Variants in PTBP3 observed in about 807,000 individuals in gnomAD.
PTBP3 encodes polypyrimidine tract binding protein 3.
PTBP3 carries 20 observed loss-of-function variants against 58.7 expected under a neutral mutation model. The observed-to-expected ratio is 0.34, with a 90% CI of 0.24 to 0.50. The LOEUF (loss-of-function observed/expected upper bound fraction) is 0.50. PTBP3 is among the 20% of genes least tolerant of loss of function. The pLI, the probability that PTBP3 is intolerant of heterozygous loss-of-function variation, is 0.98. For synonymous variants in PTBP3, 185 were observed against 219.8 expected (o/e 0.84, Z 1.40); for missense variants, 509 against 637.2 (o/e 0.80, Z 2.17).
chr9:112,286,208 T>G (rs1042082208), intron 2 of PTBP3, among the ~76,000 whole-genome samples: 3 of 152,208 alleles, frequency 2.0e-5, no homozygotes, highest in Non-Finnish European at 4.4e-5. Context: ...ATATTTAAAA[T>G]GGGTTTCTTA....
At chr9:112,302,196 GA>G (rs1026520884) in intron 1 of PTBP3, among the ~76,000 whole-genome samples, 5 of 151,446 alleles carry the variant, frequency 3.3e-5, no homozygotes, top group South Asian at 4.2e-4. Context: ...TTTGTAAAAT[GA>G]AAAAAAACAT....
At chr9:112,325,881 G>A (rs1000584038) in intron 1 of PTBP3, among the ~76,000 whole-genome samples, 17 of 152,102 alleles carry the variant, frequency 1.1e-4, no homozygotes, top group African/African-American at 1.9e-4. Flanking sequence ...AGCCCGGAGC[G>A]GTGGAGCGCA....
At chr9:112,349,445 C>A in the PTBP3 span, among the ~76,000 whole-genome samples, 2 of 152,132 alleles carry the variant, frequency 1.3e-5, no homozygotes, top group Non-Finnish European at 2.9e-5. Context: ...ATCACAGGAA[C>A]CCCCCAATTA....
chr9:112,312,063 T>C (rs948884954), intron 1 of PTBP3, among the ~76,000 whole-genome samples: 3 of 152,204 alleles, frequency 2.0e-5, no homozygotes, highest in African/African-American at 4.8e-5. Flanking sequence ...CAGTAATGAA[T>C]GGGAAATTCT....
At chr9:112,286,016 T>C (rs576410073) in intron 2 of PTBP3, among the ~76,000 whole-genome samples, 1 of 152,358 alleles carries the variant, frequency 6.6e-6, no homozygotes, top group East Asian at 1.9e-4. Flanking sequence ...ATATTTAGAT[T>C]ATGTCTACTC....
At chr9:112,378,932 A>T in the PTBP3 span, among the ~76,000 whole-genome samples, 3 of 152,212 alleles carry the variant, frequency 2.0e-5, no homozygotes, top group Non-Finnish European at 2.9e-5. Flanking sequence ...CACGCCTGTA[A>T]TCCCAGCACT....
chr9:112,352,059 A>G, the PTBP3 span, among the ~76,000 whole-genome samples: 1 of 151,782 alleles, frequency 6.6e-6, no homozygotes, highest in East Asian at 1.9e-4. Flanking sequence ...CTGGGACTAC[A>G]GGCAGCTGCC....
chr9:112,377,062 A>G, the PTBP3 span, among the ~76,000 whole-genome samples: 1 of 152,210 alleles, frequency 6.6e-6, no homozygotes, highest in South Asian at 2.1e-4. Flanking sequence ...CCCATTGTCC[A>G]TATCCACTTG....
At chr9:112,234,751 T>A in intron 8 of PTBP3, 69 bp downstream of exon 8, 1 of 1,398,846 alleles carries the variant, frequency 7.1e-7, no homozygotes, top group East Asian at 2.3e-5. Flanking sequence ...ACATTCTTCA[T>A]CTTGGTAAGT....
intron 1 of PTBP3, among the ~76,000 whole-genome samples, chr9:112,328,734 G>A (rs930564003): frequency 1.4e-4 from 22 of 152,116 alleles, no homozygotes; most frequent in African/African-American, 4.8e-4. Flanking sequence ...AGGCTGCAAC[G>A]AACTATGATC....
intron 2 of PTBP3, among the ~76,000 whole-genome samples, chr9:112,283,951 G>A (rs1402772688): frequency 1.3e-5 from 2 of 152,238 alleles, no homozygotes; most frequent in African/African-American, 2.4e-5. Flanking sequence ...GTGGTGTTGG[G>A]TCTGCAGGTG....
chr9:112,356,689 G>C, the PTBP3 span, among the ~76,000 whole-genome samples: 1 of 151,924 alleles, frequency 6.6e-6, no homozygotes, highest in Non-Finnish European at 1.5e-5. Context: ...TAGAATTCCA[G>C]GTATCTAGCT....
chr9:112,276,047 C>T (rs1195601415), intron 2 of PTBP3, 34 bp from the exon 3 acceptor site: 1 of 1,566,624 alleles, frequency 6.4e-7, no homozygotes, highest in Admixed American at 1.7e-5. Flanking sequence ...TAAATTACTG[C>T]AACTAATTTG....
Position 112,223,774 on chromosome 9 carries a change from C to A in PTBP3, c.*77G>T. 2 of 1,585,966 alleles carry A rather than the reference C, an allele frequency of 1.3e-6. No homozygotes were observed. The highest frequency in any genetic ancestry group is 2.3e-5 in the East Asian group (1 of 43,920). ...TTTTTGTGAAAGAGGCAAAATTGGT[C>A]TTGAGCTGCTTCAGTCTATGTCTGA... On this transcript the variant is annotated 3_prime_UTR_variant, in exon 14 of 14. Coordinates refer to ENST00000374257, the MANE Select transcript of PTBP3 (RefSeq NM_001163788.4).
At chr9:112,342,320 A>G in the PTBP3 span, among the ~76,000 whole-genome samples, 9 of 152,090 alleles carry the variant, frequency 5.9e-5, no homozygotes, top group African/African-American at 2.2e-4. Context: ...CTCCTCTCAT[A>G]TGTCTCTGCG....
At chr9:112,305,663 G>A (rs1399373345) in intron 1 of PTBP3, among the ~76,000 whole-genome samples, 3 of 152,094 alleles carry the variant, frequency 2.0e-5, no homozygotes, top group Admixed American at 6.5e-5. Context: ...GCTTTCAGCC[G>A]GGCACGGTGG....
Position 112,221,685 on chromosome 9 carries a change from A to T in PTBP3, c.*2166T>A. The T allele has an allele frequency of 1.0e-6, 1 of 985,278 alleles. No homozygotes were observed. Among genetic ancestry groups the T allele is most frequent in the South Asian group, 4.7e-5 (1 of 21,288 alleles). 61.0% of individuals were successfully genotyped at this position (985,278 alleles called of 1,614,324 possible). A position where few individuals can be genotyped will look rare whatever the true frequency, so the allele number is the denominator to read the frequency against. On this transcript the variant is annotated 3_prime_UTR_variant, in exon 14 of 14. Transcript: ENST00000374257. Reference sequence around the variant, plus strand: ...CTCCCACAACTACATACATGAGTATATCTATCTATTCAGCCAAACTGATCC... The same window carrying T: ...CTCCCACAACTACATACATGAGTATTTCTATCTATTCAGCCAAACTGATCC...
chr9:112,322,497 T>C (rs911712312), intron 1 of PTBP3, among the ~76,000 whole-genome samples: 7 of 152,330 alleles, frequency 4.6e-5, no homozygotes, highest in African/African-American at 9.6e-5. Context: ...CAAAGGATTA[T>C]AGCTCAAAGA....
intron 4 of PTBP3, among the ~76,000 whole-genome samples, chr9:112,265,128 T>A (rs1836743620): frequency 6.6e-6 from 1 of 151,976 alleles, no homozygotes; most frequent in African/African-American, 2.4e-5. Context: ...TTCCAAAATT[T>A]ATCTGAAGAA....
Sources: allele counts gnomAD v4.1 joint callset (sites outside exome capture counted in the v4.1 genomes callset), GRCh38; gene constraint gnomAD v4.1.1; transcripts MANE v1.5; gene names NCBI Gene and HGNC (gene_info 2026-07-23, HGNC 2026-07-21).